Variants in SEMA3B observed in about 807,000 individuals in gnomAD.
The protein encoded by SEMA3B is semaphorin-3B.
Under a neutral mutation model 77.8 loss-of-function variants are expected in SEMA3B, and 71 were observed. The ratio of observed to expected loss-of-function variants is 0.91; its 90% CI spans 0.75 to 1.11. SEMA3B has a LOEUF of 1.11. Ranked by LOEUF, SEMA3B falls within the 50% of genes most tolerant of loss-of-function variation. The probability of loss-of-function intolerance (pLI) is 0.00; values close to 1 mark genes in which losing one functional copy is unlikely to be tolerated. For synonymous variants in SEMA3B, 470 were observed against 452.9 expected, an observed-to-expected ratio of 1.04 and a Z score of -0.48; for missense variants, 968 against 1,056.8, an observed-to-expected ratio of 0.92 and a Z score of 1.17.
At position 50,275,286 on chromosome 3, in the gene SEMA3B, C is replaced by T. The variant is rs1553706300; in HGVS notation, c.1492-16C>T. On this transcript the variant is annotated splice_polypyrimidine_tract_variant and intron_variant, in intron 13 of 16. Transcript: ENST00000616701. The surrounding 1 kb of genome is among the most constrained non-coding windows in gnomAD (Gnocchi z 7.5). ...GGGTCGCCCTCGGTCAGCCCAGAGC[C>T]CCTCGTGCCCCCTAGCACCAGCTGT... is the stretch of plus-strand genomic sequence containing the variant. The T allele has an allele frequency of 2.6e-6, 4 of 1,533,482 alleles. No homozygotes were observed. In the East Asian group the frequency reaches 7.2e-5, roughly 28 times the overall value. 95.0% of individuals were successfully genotyped at this position (1,533,482 alleles called of 1,614,324 possible). A position where few individuals can be genotyped will look rare whatever the true frequency, so the allele number is the denominator to read the frequency against.
chr3:50,267,346 C>G (rs1228365461), upstream of SEMA3B: 2 of 152,668 alleles, frequency 1.3e-5, no homozygotes, highest in African/African-American at 4.8e-5. The surrounding 1 kb of genome is among the most constrained non-coding windows in gnomAD (Gnocchi z 5.7). Context: ...ATTCCCTTTG[C>G]CTGCTGAGCC....
Position 50,275,435 on chromosome 3 carries a change from C to T in SEMA3B, c.1625C>T (p.Thr542Met). 6.2e-7 allele frequency: 1 copy of T among 1,605,856 alleles called. No individual in the cohort carries two copies. The highest frequency in any genetic ancestry group is 8.5e-7 in the Non-Finnish European group (1 of 1,176,024). The change falls in exon 14 of 17, where the codon ACG (threonine) becomes ATG (methionine). Residue 542 changes from threonine (T) to methionine (M), a missense_variant. By Grantham distance (81) the Thr-to-Met change is moderately conservative. Transcript: ENST00000616701. This position sits in a 1 kb window ranked among gnomAD's most constrained non-coding sequence, Gnocchi z 7.5. ...PYCAWDGVAC[T>M]RFQPSAKRRF... is the part of the protein sequence containing the mutation. ...TGCGCCTGGGACGGGGTCGCGTGCA[C>T]GCGCTTCCAGCCCAGTGCCAAGAGG...
chr3:50,275,115 G>A lies in SEMA3B; in HGVS notation c.1491+62G>A, dbSNP rs984338481. The A allele has an allele frequency of 1.3e-6, 2 of 1,520,672 alleles. No individual in the cohort carries two copies. The highest frequency in any genetic ancestry group is 1.4e-5 in the African/African-American group (1 of 72,600). 94.2% of individuals were successfully genotyped at this position (1,520,672 alleles called of 1,614,324 possible). A position where few individuals can be genotyped will look rare whatever the true frequency, so the allele number is the denominator to read the frequency against. ...TGAGCTTGTGCCTGGCGCGTCCCAA[G>A]CCTCTGGCCCCTTTTGGTAGTTTGC... On this transcript the variant is annotated intron_variant, in intron 13 of 16. Coordinates refer to ENST00000616701, the MANE Select transcript of SEMA3B (RefSeq NM_001290060.2). This position sits in a 1 kb window ranked among gnomAD's most constrained non-coding sequence, Gnocchi z 7.5.
Position 50,275,255 on chromosome 3 carries a change from G to T in SEMA3B, c.1492-47G>T. On this transcript the variant is annotated intron_variant, in intron 13 of 16. Transcript: ENST00000616701. The surrounding 1 kb of genome is among the most constrained non-coding windows in gnomAD (Gnocchi z 7.5). ...AGGGATCCCTGACCGATGGGAGGCA[G>T]GCGTGGGGTCGCCCTCGGTCAGCCC... The T allele has an allele frequency of 6.7e-7, 1 of 1,481,534 alleles. No individual in the cohort carries two copies. The highest frequency in any genetic ancestry group is 2.5e-5 in the East Asian group (1 of 40,530). 91.8% of individuals were successfully genotyped at this position (1,481,534 alleles called of 1,614,324 possible). A position where few individuals can be genotyped will look rare whatever the true frequency, so the allele number is the denominator to read the frequency against.
Position 50,276,694 on chromosome 3 carries a change from A to C in SEMA3B, c.2238A>C (p.Ala746=), listed in dbSNP as rs587638194. 2.0e-5 allele frequency: 30 copies of C among 1,534,294 alleles called. No individual in the cohort carries two copies. The East Asian group carries it at 6.9e-4, about 35-fold the overall frequency. Residue 746 remains alanine (A), a synonymous_variant, in exon 17 of 17, where the codon GCA becomes GCC. Transcript: ENST00000616701. The surrounding 1 kb of genome is among the most constrained non-coding windows in gnomAD (Gnocchi z 5.8). The part of the protein sequence containing the change: ...EPRAERGPRS[A]THW ...GCGCTGAGCGGGGGCCGCGCAGCGC[A>C]ACGCACTGGTGACCAGACTGTCCCC...
upstream of SEMA3B, among the ~76,000 whole-genome samples, chr3:50,263,524 A>C (rs1700858063): frequency 6.7e-6 from 1 of 149,210 alleles, no homozygotes; most frequent in Admixed American, 6.8e-5. Context: ...AAAAAAAAAA[A>C]AGATGAAAAA....
chr3:50,271,546 G>T (rs1449374756), intron 6 of SEMA3B, 66 bp downstream of exon 6: 1 of 1,545,432 alleles, frequency 6.5e-7, no homozygotes, highest in Non-Finnish European at 8.7e-7. Flanking sequence ...GCCAAGCAAG[G>T]CCCATAAAGT....
rs1464101832 is a variant in SEMA3B at position 50,276,505 on chromosome 3, G to C, written c.2049G>C (p.Pro683=). 5 of 1,532,000 alleles carry C rather than the reference G, an allele frequency of 3.3e-6. No homozygotes were observed. The highest frequency in any genetic ancestry group is 4.4e-6 in the Non-Finnish European group (5 of 1,144,034). The allele number at this position is 1,532,000 out of a possible 1,614,324, so 94.9% of individuals were successfully genotyped here. ...RAEEAAPAAP[P]GPKLWYRDFL... is the part of the protein sequence containing the mutation. ...AGGAGGCTGCGCCCGCCGCGCCGCCGGGCCCCAAACTCTGGTACCGGGACT... is the reference window on the plus strand; with the variant it reads ...AGGAGGCTGCGCCCGCCGCGCCGCCCGGCCCCAAACTCTGGTACCGGGACT... The change falls in exon 17 of 17, where the codon CCG becomes CCC. Residue 683 remains proline (P), a synonymous_variant. Transcript: ENST00000616701. The surrounding 1 kb of genome is among the most constrained non-coding windows in gnomAD (Gnocchi z 5.8).
chr3:50,276,388 C>T lies in SEMA3B; in HGVS notation c.1932C>T (p.Cys644=), dbSNP rs1049961516. Residue 644 remains cysteine, a synonymous_variant, in exon 17 of 17, where the codon TGC becomes TGT. Transcript: ENST00000616701. The surrounding 1 kb of genome is among the most constrained non-coding windows in gnomAD (Gnocchi z 5.8). ...LRRRDSGVYL[C]AAVEQGFTQP... is the part of the protein sequence containing the mutation. ...GCCGGGACTCGGGCGTGTACTTGTG[C>T]GCCGCCGTCGAGCAGGGCTTTACGC... 6.5e-7 allele frequency: 1 copy of T among 1,536,274 alleles called. No individual in the cohort carries two copies. Among genetic ancestry groups the T allele is most frequent in the African/African-American group, 1.4e-5 (1 of 72,948 alleles).
At chr3:50,263,365 G>A (rs1213285430), upstream of SEMA3B, 1 of 151,798 alleles carries the variant, frequency 6.6e-6, no homozygotes, top group Non-Finnish European at 1.5e-5. Flanking sequence ...TGTGTGTTGT[G>A]GTGTGTGCCT....
rs782115320 is a variant in SEMA3B at position 50,273,487 on chromosome 3, CT to C, written c.811-45del. On this transcript the variant is annotated intron_variant, in intron 7 of 16. Transcript: ENST00000616701. The surrounding 1 kb of genome is among the most constrained non-coding windows in gnomAD (Gnocchi z 6.5). ...ACACCCGGCGACCCTGCCCCTACCC[CT>C]TTGCCTGCCCTGGTCTCGCCCTCAT... 445 of 1,609,744 alleles carry C rather than the reference CT, an allele frequency of 2.8e-4. 2 individuals are homozygous for C. The highest frequency in any genetic ancestry group is 1.8e-3 in the Middle Eastern group (11 of 6,046).
chr3:50,275,745 C>A lies in SEMA3B; in HGVS notation c.1746C>A (p.Gly582=), dbSNP rs782556025. The A allele has an allele frequency of 6.8e-6, 11 of 1,613,314 alleles. No homozygotes were observed. In the Admixed American group the frequency reaches 1.7e-4, roughly 24 times the overall value. ...CGCTGCTGGAACACAAGGTGTTCGG[C>A]GTGGAGGGCAGCAGCGCCTTTCTGG... ...RPALLEHKVF[G]VEGSSAFLEC... Residue 582 remains glycine (G), a synonymous_variant, in exon 16 of 17, where the codon GGC becomes GGA. Coordinates refer to ENST00000616701, the MANE Select transcript of SEMA3B (RefSeq NM_001290060.2). The surrounding 1 kb of genome is among the most constrained non-coding windows in gnomAD (Gnocchi z 7.5).
intron 6 of SEMA3B, among the ~76,000 whole-genome samples, chr3:50,272,539 C>T (rs934539937): frequency 6.6e-6 from 1 of 151,894 alleles, no homozygotes; most frequent in South Asian, 2.1e-4. Flanking sequence ...GGTGTAACCC[C>T]GTCTCTACTA....
chr3:50,270,461 G>A lies in SEMA3B; in HGVS notation c.296G>A (p.Arg99Gln), dbSNP rs782373197. 9 of 1,613,724 alleles carry A rather than the reference G, an allele frequency of 5.6e-6. No individual in the cohort carries two copies. The highest frequency in any genetic ancestry group is 7.6e-6 in the Non-Finnish European group (9 of 1,179,860). Reference sequence around the variant, plus strand: ...GCCTGGCCGGCCCCTGTGGAATGGCGAGAGGAGTGCAACTGGGCAGGGAAG... The same window carrying A: ...GCCTGGCCGGCCCCTGTGGAATGGCAAGAGGAGTGCAACTGGGCAGGGAAG... ...KLAWPAPVEW[R>Q]EECNWAGKDI... The change falls in exon 3 of 17, where the codon CGA becomes CAA. Residue 99 changes from arginine (R) to glutamine (Q), a missense_variant. Arg to Gln is a conservative substitution (Grantham distance 43, BLOSUM62 1). Coordinates refer to ENST00000616701, the MANE Select transcript of SEMA3B (RefSeq NM_001290060.2). This position sits in a 1 kb window ranked among gnomAD's most constrained non-coding sequence, Gnocchi z 4.7.
rs587733290 is a variant in SEMA3B, at chr3:50,276,331, C to A, written c.1875C>A (p.Thr625=). The change falls in exon 17 of 17, where the codon ACC becomes ACA. Residue 625 remains threonine (T), a synonymous_variant. Transcript: ENST00000616701. The surrounding 1 kb of genome is among the most constrained non-coding windows in gnomAD (Gnocchi z 5.8). ...TGGCAGAGGAGCGCACCGAGCGCACCGCCCGGGGACTACTGCTGCGCAGGC... is the reference window on the plus strand; with the variant it reads ...TGGCAGAGGAGCGCACCGAGCGCACAGCCCGGGGACTACTGCTGCGCAGGC... ...QVLAEERTER[T]ARGLLLRRLR... is the part of the protein sequence containing the mutation. The A allele has an allele frequency of 1.6e-4, 250 of 1,525,766 alleles. 2 individuals are homozygous for A. The South Asian group carries it at 2.9e-3, about 18-fold the overall frequency. 94.5% of individuals were successfully genotyped at this position (1,525,766 alleles called of 1,614,324 possible).
At chr3:50,263,441 G>A (rs587660934), upstream of SEMA3B, 7 of 146,202 alleles carry the variant, frequency 4.8e-5, no homozygotes, top group African/African-American at 1.8e-4. Context: ...CAAGGCTGCT[G>A]TGGGCCATGA....
chr3:50,267,216 C>T (rs1379857038), upstream of SEMA3B: 6 of 152,384 alleles, frequency 3.9e-5, no homozygotes, highest in Admixed American at 2.6e-4. This position sits in a 1 kb window ranked among gnomAD's most constrained non-coding sequence, Gnocchi z 5.7. Context: ...CCGGCCACCC[C>T]AGCCGGTCCC....
At position 50,273,590 on chromosome 3, in the gene SEMA3B, C is replaced by G. The variant is rs782243685; in HGVS notation, c.866C>G (p.Ala289Gly). 2 of 1,613,034 alleles carry G rather than the reference C, an allele frequency of 1.2e-6. No homozygotes were observed. Among genetic ancestry groups the G allele is most frequent in the African/African-American group, 2.7e-5 (2 of 74,920 alleles). Residue 289 changes from alanine (A) to glycine (G), a missense_variant, in exon 8 of 17, where the codon GCG becomes GGG. Ala to Gly is a moderately conservative substitution (Grantham distance 60, BLOSUM62 0). Coordinates refer to ENST00000616701, the MANE Select transcript of SEMA3B (RefSeq NM_001290060.2). The surrounding 1 kb of genome is among the most constrained non-coding windows in gnomAD (Gnocchi z 6.5). ...LVNKWTTFLK[A>G]RLVCSVPGVE... ...AACAAGTGGACGACGTTCCTGAAGG[C>G]GCGGCTGGTGTGCTCGGTGCCCGGC...
At chr3:50,268,270 C>T (rs1487234494), upstream of SEMA3B, among the ~76,000 whole-genome samples, 2 of 152,206 alleles carry the variant, frequency 1.3e-5, no homozygotes, top group African/African-American at 4.8e-5. Flanking sequence ...AAGTCAGAGG[C>T]TGAGGCTTCT....
Sources: gnomAD v4.1 joint callset for allele counts (sites outside exome capture counted in the v4.1 genomes callset) on GRCh38, gnomAD v4.1.1 for gene constraint, Gnocchi (gnomAD v3.1) non-coding constraint, MANE v1.5 for transcripts, NCBI Gene and HGNC (gene_info 2026-07-23, HGNC 2026-07-21) for gene names.